Variants in RIPOR2 observed in about 807,000 individuals in gnomAD.
RIPOR2 encodes rho family-interacting cell polarization regulator 2.
Under a neutral mutation model 114.5 loss-of-function variants are expected in RIPOR2, and 39 were observed. The ratio of observed to expected loss-of-function variants is 0.34; its 90% CI spans 0.26 to 0.44. RIPOR2 has a LOEUF of 0.44. Among genes scored for constraint, RIPOR2 ranks in the 20% least tolerant of loss-of-function variants. RIPOR2 has a pLI of 1.00. For synonymous variants in RIPOR2, 445 were observed against 484.4 expected (o/e 0.92, Z 1.07); for missense variants, 1,007 against 1,255.1 (o/e 0.80, Z 2.99).
rs143661134 is a variant in RIPOR2, at chr6:25,032,958, A to G, written c.76+8893T>C. On this transcript the variant is annotated intron_variant, in intron 1 of 13. Coordinates refer to the RIPOR2 transcript ENST00000510784. ...CACTTAAAAATATATTTAGCTCAGC[A>G]CTTTGGGAGGCCAAGATGGGAAAAT... is the stretch of plus-strand genomic sequence containing the variant. Among the ~76,000 whole-genome samples the G allele has an allele frequency of 1.9e-3, 296 of 152,380 alleles. 3 individuals carry two copies. The highest frequency in any genetic ancestry group is 0.017 in the East Asian group (90 of 5,192).
At chr6:24,932,542 A>G (rs1207392199) in intron 1 of RIPOR2, among the ~76,000 whole-genome samples, 5 of 152,178 alleles carry the variant, frequency 3.3e-5, no homozygotes, top group East Asian at 1.9e-4. Flanking sequence ...CATTTCCTTT[A>G]ACCACAAAAA....
chr6:25,024,426 C>T, intron 1 of RIPOR2: 3 of 1,043,824 alleles, frequency 2.9e-6, no homozygotes, highest in Non-Finnish European at 4.5e-6. Context: ...CACGAGGATG[C>T]AGGAGGTGTC....
At chr6:24,993,356 C>T (rs1774915968) in intron 1 of RIPOR2, among the ~76,000 whole-genome samples, 1 of 152,178 alleles carries the variant, frequency 6.6e-6, no homozygotes, top group African/African-American at 2.4e-5. Flanking sequence ...CTTTTTCTCC[C>T]CTTTCTTGGT....
intron 1 of RIPOR2, among the ~76,000 whole-genome samples, chr6:24,987,647 C>T (rs184224757): frequency 5.3e-5 from 8 of 152,246 alleles, no homozygotes; most frequent in South Asian, 2.1e-4. Flanking sequence ...TACGTAAAAC[C>T]GGGGCTGTGC....
intron 10 of RIPOR2, 147 bp from the exon 11 acceptor site, chr6:24,850,097 C>CTTTTTTTTT (rs5875008): frequency 6.9e-6 from 3 of 437,188 alleles, no homozygotes; most frequent in South Asian, 3.1e-5. Flanking sequence ...TTTTCTTTTT[C>CTTTTTTTTT]TTTTTTTTTT....
intron 1 of RIPOR2, among the ~76,000 whole-genome samples, chr6:24,920,068 A>G (rs1227525605): frequency 4.6e-5 from 7 of 152,232 alleles, no homozygotes; most frequent in Non-Finnish European, 8.8e-5. Flanking sequence ...AACCTGTGGG[A>G]TTTGAGTTAA....
chr6:25,023,184 A>G (rs186782451), intron 1 of RIPOR2: 126 of 609,942 alleles, frequency 2.1e-4, no homozygotes, highest in African/African-American at 1.8e-3. Context: ...TATCACAACA[A>G]TTAGCGCCTG....
chr6:24,840,267 G>C, intron 13 of RIPOR2: 1 of 1,031,238 alleles, frequency 9.7e-7, no homozygotes, highest in Non-Finnish European at 1.2e-6. Flanking sequence ...TTTCCTCTGA[G>C]GACTGAGGAA....
Position 24,858,258 on chromosome 6 carries a change from C to G in RIPOR2, c.715+2715G>C, listed in dbSNP as rs1267124061. Among the ~76,000 whole-genome samples, 6 of 152,174 alleles carry G rather than the reference C, an allele frequency of 3.9e-5. No homozygotes were observed. Among genetic ancestry groups the G allele is most frequent in the African/African-American group, 1.4e-4 (6 of 41,448 alleles). ...CAGTCATCAGAATGCAGTCAAGTGC[C>G]TGGCCAATAGCAGGCACTCAGTAAG... On this transcript the variant is annotated intron_variant, in intron 8 of 21. Coordinates refer to ENST00000643898, the MANE Select transcript of RIPOR2 (RefSeq NM_001286445.3). The surrounding 1 kb of genome is among the most constrained non-coding windows in gnomAD (Gnocchi z 4.0).
chr6:24,937,568 A>C (rs1282901714), upstream of RIPOR2, among the ~76,000 whole-genome samples: 1 of 152,064 alleles, frequency 6.6e-6, no homozygotes. Flanking sequence ...AATTAATTAA[A>C]ATGGGCCTAG....
intron 1 of RIPOR2, among the ~76,000 whole-genome samples, chr6:25,004,986 TACACACACACACACACAC>T (rs58120451): frequency 4.5e-4 from 66 of 146,528 alleles, no homozygotes; most frequent in East Asian, 1.4e-3. Context: ...TCAAATAGGC[TACACACACACACACACAC>T]ACACACACAC....
chr6:24,891,429 C>T (rs771887232), intron 1 of RIPOR2, among the ~76,000 whole-genome samples: 1 of 152,058 alleles, frequency 6.6e-6, no homozygotes, highest in Admixed American at 6.5e-5. Context: ...GAATTATGTT[C>T]CTCTTTATTG....
At chr6:25,031,979 G>A (rs936013631) in intron 1 of RIPOR2, among the ~76,000 whole-genome samples, 4 of 151,028 alleles carry the variant, frequency 2.6e-5, no homozygotes, top group African/African-American at 9.7e-5. Context: ...CCATTTAGAG[G>A]GTTGCTTGTA....
intron 1 of RIPOR2, among the ~76,000 whole-genome samples, chr6:24,916,490 A>C (rs1770089291): frequency 6.6e-6 from 1 of 152,196 alleles, no homozygotes; most frequent in Non-Finnish European, 1.5e-5. Flanking sequence ...ATAGCCAATA[A>C]ATATTGACTA....
intron 1 of RIPOR2, among the ~76,000 whole-genome samples, chr6:24,895,875 C>T (rs926974300): frequency 5.3e-5 from 8 of 152,234 alleles, no homozygotes; most frequent in Admixed American, 2.0e-4. Context: ...CCTGTAGTCC[C>T]AGCTACTAGG....
intron 19 of RIPOR2, among the ~76,000 whole-genome samples, chr6:24,819,999 A>G (rs1759532824): frequency 6.6e-6 from 1 of 151,902 alleles, no homozygotes; most frequent in African/African-American, 2.4e-5. Flanking sequence ...ATTTCTTGCT[A>G]TTTGTCTGAA....
At chr6:24,850,806 T>A in intron 9 of RIPOR2, 84 bp from the exon 10 acceptor site, 1 of 1,468,014 alleles carries the variant, frequency 6.8e-7, no homozygotes, top group Non-Finnish European at 9.5e-7. Context: ...GAGAAAGACC[T>A]AAAGCCACTG....
intron 1 of RIPOR2, among the ~76,000 whole-genome samples, chr6:24,944,195 T>C (rs569992300): frequency 6.6e-6 from 1 of 152,178 alleles, no homozygotes; most frequent in Non-Finnish European, 1.5e-5. Flanking sequence ...GTCTGACCAC[T>C]GGCTAACCTT....
intron 12 of RIPOR2, among the ~76,000 whole-genome samples, chr6:24,846,035 T>C (rs4583980): frequency 0.82 from 124,746 of 152,086 alleles, 51,719 homozygotes; most frequent in East Asian, 0.96. Context: ...ATCTAAAAGG[T>C]TTTATCAGGA....
Sources: allele counts gnomAD v4.1 joint callset (sites outside exome capture counted in the v4.1 genomes callset), GRCh38; gene constraint gnomAD v4.1.1; non-coding constraint Gnocchi (gnomAD v3.1); transcripts MANE v1.5; gene names NCBI Gene and HGNC (gene_info 2026-07-23, HGNC 2026-07-21).